Variants in REDIC1 observed in about 807,000 individuals in gnomAD.
REDIC1 encodes regulator of DNA class I crossover intermediates 1.
the REDIC1 span, chr12:39,830,053 C>T: frequency 6.8e-6 from 11 of 1,610,088 alleles, no homozygotes; most frequent in African/African-American, 1.3e-4. Context: ...AAACATAAGC[C>T]TCGTTTTGAA....
chr12:39,883,021 G>A, the REDIC1 span, among the ~76,000 whole-genome samples: 2 of 152,002 alleles, frequency 1.3e-5, no homozygotes, highest in Non-Finnish European at 2.9e-5. Context: ...GAATGAATGG[G>A]TTCATATGGC....
At chr12:39,752,292 C>T in the REDIC1 span, among the ~76,000 whole-genome samples, 2 of 152,098 alleles carry the variant, frequency 1.3e-5, no homozygotes, top group African/African-American at 2.4e-5. Context: ...TCAGTGGACT[C>T]TTATGGGAGC....
chr12:39,697,594 G>C, the REDIC1 span, among the ~76,000 whole-genome samples: 2 of 152,106 alleles, frequency 1.3e-5, no homozygotes, highest in East Asian at 3.8e-4. Flanking sequence ...AGAAACAACA[G>C]AGAGTTAAAA....
chr12:39,819,334 C>T, the REDIC1 span, among the ~76,000 whole-genome samples: 1 of 152,094 alleles, frequency 6.6e-6, no homozygotes, highest in African/African-American at 2.4e-5. Flanking sequence ...AACTAAGTCA[C>T]AGTTATAGGA....
the REDIC1 span, among the ~76,000 whole-genome samples, chr12:39,676,747 CAA>C: frequency 1.3e-5 from 2 of 152,234 alleles, no homozygotes; most frequent in Admixed American, 1.3e-4. Context: ...GTAAGATTAA[CAA>C]GAGATTTCTC....
At chr12:39,730,140 G>A in the REDIC1 span, among the ~76,000 whole-genome samples, 1 of 151,688 alleles carries the variant, frequency 6.6e-6, no homozygotes, top group Non-Finnish European at 1.5e-5. Context: ...TTTTAATTGG[G>A]GCATTTAGCC....
At chr12:39,646,598 A>G in the REDIC1 span, 1 of 791,904 alleles carries the variant, frequency 1.3e-6, no homozygotes, top group Non-Finnish European at 1.9e-6. Context: ...GTATTATGCA[A>G]TGATTAAGAC....
chr12:39,794,672 C>A, the REDIC1 span, among the ~76,000 whole-genome samples: 5 of 152,316 alleles, frequency 3.3e-5, no homozygotes, highest in Middle Eastern at 3.4e-3. Flanking sequence ...TTTCCTTTTT[C>A]TGTCCACAAA....
the REDIC1 span, among the ~76,000 whole-genome samples, chr12:39,769,005 A>G: frequency 3.9e-5 from 6 of 152,082 alleles, no homozygotes; most frequent in Non-Finnish European, 2.9e-5. Context: ...ATTTTTCACC[A>G]TTTGAGTTCC....
the REDIC1 span, among the ~76,000 whole-genome samples, chr12:39,900,812 T>A: frequency 6.6e-6 from 1 of 152,218 alleles, no homozygotes; most frequent in African/African-American, 2.4e-5. Flanking sequence ...TACCAATGAC[T>A]TTCTTCACAG....
chr12:39,861,667 G>A, the REDIC1 span, among the ~76,000 whole-genome samples: 1 of 152,080 alleles, frequency 6.6e-6, no homozygotes, highest in African/African-American at 2.4e-5. Flanking sequence ...AATTATGGGT[G>A]TGAAAAAAAG....
the REDIC1 span, among the ~76,000 whole-genome samples, chr12:39,712,849 A>G: frequency 3.9e-3 from 365 of 92,746 alleles, 1 homozygote; most frequent in African/African-American, 9.9e-3. Flanking sequence ...ACACGTATAT[A>G]CACATATGTA....
At chr12:39,783,219 C>T in the REDIC1 span, among the ~76,000 whole-genome samples, 2 of 152,166 alleles carry the variant, frequency 1.3e-5, no homozygotes, top group African/African-American at 4.8e-5. Context: ...TTTATAGCTG[C>T]ATAGTATTCC....
the REDIC1 span, among the ~76,000 whole-genome samples, chr12:39,653,558 T>TTCTTCTTCTTTTTC: frequency 4.8e-4 from 21 of 43,802 alleles, no homozygotes; most frequent in Admixed American, 1.2e-3. Context: ...CTTCTTCTTC[T>TTCTTCTTCTTTTTC]TTCTTCTTCT....
chr12:39,907,199 T>C, the REDIC1 span, among the ~76,000 whole-genome samples: 13 of 152,164 alleles, frequency 8.5e-5, no homozygotes, highest in Non-Finnish European at 1.6e-4. Context: ...AAGCCACTTA[T>C]TAGCTCTTAC....
At chr12:39,850,012 A>G in the REDIC1 span, among the ~76,000 whole-genome samples, 1 of 152,050 alleles carries the variant, frequency 6.6e-6, no homozygotes, top group Non-Finnish European at 1.5e-5. Context: ...ATTTTTCTTG[A>G]AAAGGCAACT....
chr12:39,641,818 T>C, the REDIC1 span, among the ~76,000 whole-genome samples: 2 of 151,732 alleles, frequency 1.3e-5, no homozygotes, highest in Non-Finnish European at 3.0e-5. Flanking sequence ...AAAAGCAGGA[T>C]AGTGGCAGTC....
At chr12:39,775,389 T>C in the REDIC1 span, among the ~76,000 whole-genome samples, 2 of 152,220 alleles carry the variant, frequency 1.3e-5, no homozygotes, top group Non-Finnish European at 2.9e-5. Flanking sequence ...AGGATGTGGA[T>C]GTGGCCTACT....
chr12:39,647,691 C>T, the REDIC1 span: 2 of 873,990 alleles, frequency 2.3e-6, no homozygotes, highest in Non-Finnish European at 3.2e-6. Flanking sequence ...TCTTTTGTAA[C>T]CCCTGCCCTT....
Sources: allele counts gnomAD v4.1 joint callset (sites outside exome capture counted in the v4.1 genomes callset), GRCh38; gene constraint gnomAD v4.1.1; transcripts MANE v1.5; gene names NCBI Gene and HGNC (gene_info 2026-07-23, HGNC 2026-07-21).